The following LPP variants were observed in gnomAD, a reference collection of about 807,000 sequenced individuals.
LPP encodes LIM domain containing preferred translocation partner in lipoma.
A neutral mutation model predicts 60.4 loss-of-function variants in LPP; 38 were observed. That is an observed-to-expected ratio of 0.63 (90% CI 0.49 to 0.83). The LOEUF is 0.83. LPP is among the 40% of genes least tolerant of loss of function. LPP has a pLI of 0.00. For missense variants in LPP, 902 were observed against 783.6 expected (o/e 1.15, Z -1.80); for synonymous variants, 328 against 290.8 (o/e 1.13, Z -1.30).
At position 188,638,715 on chromosome 3, in the gene LPP, C is replaced by T. The variant is rs1182909026; in HGVS notation, c.1113+28871C>T. The stretch of plus-strand genomic sequence containing the variant: ...CAAAAATCACAAGCATTCTTATACA[C>T]CAACAACAGACAAACAGAGAGCCAA... On this transcript the variant is annotated intron_variant, in intron 7 of 11. Coordinates refer to ENST00000617246, the MANE Select transcript of LPP (RefSeq NM_001375462.1). Among the ~76,000 whole-genome samples, 9 of 144,738 alleles carry T rather than the reference C, an allele frequency of 6.2e-5. No homozygotes were observed. The East Asian group carries it at 1.2e-3, about 19-fold the overall frequency. 95.0% of individuals were successfully genotyped at this position (144,738 alleles called of 152,430 possible). A position where few individuals can be genotyped will look rare whatever the true frequency, so the allele number is the denominator to read the frequency against.
chr3:188,680,111 T>C (rs940905033), intron 7 of LPP, among the ~76,000 whole-genome samples: 3 of 152,170 alleles, frequency 2.0e-5, no homozygotes, highest in African/African-American at 7.2e-5. Flanking sequence ...AAATTGCTAT[T>C]TTATAAACCC....
At chr3:188,247,942 A>G (rs1048435503) in intron 2 of LPP, among the ~76,000 whole-genome samples, 6 of 152,300 alleles carry the variant, frequency 3.9e-5, no homozygotes, top group Admixed American at 1.3e-4. Flanking sequence ...TTGGCCACAT[A>G]TTAAAATCTT....
chr3:188,349,216 T>A (rs1419101159), intron 3 of LPP, among the ~76,000 whole-genome samples: 3 of 152,188 alleles, frequency 2.0e-5, no homozygotes, highest in Non-Finnish European at 4.4e-5. Flanking sequence ...AAGCCTGAGT[T>A]GAAAGCCAGG....
intron 2 of LPP, among the ~76,000 whole-genome samples, chr3:188,272,146 C>T (rs1012651226): frequency 6.6e-6 from 1 of 152,198 alleles, no homozygotes; most frequent in Non-Finnish European, 1.5e-5. Context: ...CGAGTTTGCT[C>T]TGTGACTTGG....
chr3:188,226,060 G>C (rs1238717926), intron 2 of LPP, among the ~76,000 whole-genome samples: 1 of 152,076 alleles, frequency 6.6e-6, no homozygotes, highest in African/African-American at 2.4e-5. Context: ...CCATTCTGGG[G>C]TGCAGTGGTG....
At chr3:188,319,419 T>C (rs762251638) in intron 2 of LPP, among the ~76,000 whole-genome samples, 18 of 152,258 alleles carry the variant, frequency 1.2e-4, no homozygotes, top group Non-Finnish European at 1.6e-4. Context: ...ATTTATTTCA[T>C]TTTATTTATT....
At chr3:188,511,343 C>T (rs1386939677) in intron 5 of LPP, among the ~76,000 whole-genome samples, 1 of 132,020 alleles carries the variant, frequency 7.6e-6, no homozygotes, top group South Asian at 2.8e-4. Context: ...CCTCCCTTGT[C>T]CCTCTTGCCT....
chr3:188,519,567 A>G (rs1818311077), intron 5 of LPP, among the ~76,000 whole-genome samples: 1 of 152,212 alleles, frequency 6.6e-6, no homozygotes, highest in South Asian at 2.1e-4. Context: ...GTGATATTAG[A>G]TAATACTGTT....
At chr3:188,757,455 TGGATTCCA>T (rs1730647117) in intron 8 of LPP, among the ~76,000 whole-genome samples, 1 of 152,240 alleles carries the variant, frequency 6.6e-6, no homozygotes, top group Non-Finnish European at 1.5e-5. Context: ...CTCAGGTTCT[TGGATTCCA>T]GGTATTACAC....
chr3:188,448,387 G>T (rs976215694), intron 4 of LPP, among the ~76,000 whole-genome samples: 4 of 34,160 alleles, frequency 1.2e-4, no homozygotes, highest in Admixed American at 9.5e-4. Flanking sequence ...TATCTATATT[G>T]AGATATCTAT....
intron 9 of LPP, among the ~76,000 whole-genome samples, chr3:188,841,308 ACTT>A (rs367575561): frequency 0.59 from 89,058 of 151,344 alleles, 26,550 homozygotes; most frequent in East Asian, 0.85. Context: ...TGTCCTGACA[ACTT>A]AAGCTCATCC....
At chr3:188,362,562 A>C (rs2150964152) in intron 3 of LPP, among the ~76,000 whole-genome samples, 1 of 152,214 alleles carries the variant, frequency 6.6e-6, no homozygotes, top group Non-Finnish European at 1.5e-5. Flanking sequence ...TTTTATTTGC[A>C]GTGTTAAAGA....
chr3:188,388,619 T>G (rs746160661), intron 3 of LPP, among the ~76,000 whole-genome samples: 21 of 152,206 alleles, frequency 1.4e-4, no homozygotes, highest in Non-Finnish European at 2.6e-4. Flanking sequence ...ATTATTCTCA[T>G]GGCATTGGGA....
rs548808746 is a variant in LPP at position 188,721,418 on chromosome 3, G to T, written c.1240+13025G>T. 1.4e-4 allele frequency among the ~76,000 whole-genome samples: 21 copies of T among 152,206 alleles called. No individual in the cohort carries two copies. In the East Asian group the frequency reaches 4.1e-3, roughly 29 times the overall value. On this transcript the variant is annotated intron_variant, in intron 8 of 11. Coordinates refer to ENST00000617246, the MANE Select transcript of LPP (RefSeq NM_001375462.1). ...AATGAAAAAAATATTACTAGGTATA[G>T]TGATGCACATCTGTGGTTCCAGCTA... is the stretch of plus-strand genomic sequence containing the variant.
At chr3:188,368,598 T>C (rs1771916340) in intron 3 of LPP, among the ~76,000 whole-genome samples, 1 of 151,918 alleles carries the variant, frequency 6.6e-6, no homozygotes, top group African/African-American at 2.4e-5. Flanking sequence ...TCAATGCCTC[T>C]TTTGTTTGTA....
intron 7 of LPP, among the ~76,000 whole-genome samples, chr3:188,637,185 A>C (rs1848998328): frequency 6.6e-6 from 1 of 151,880 alleles, no homozygotes; most frequent in Admixed American, 6.6e-5. Context: ...AGTGCAATCA[A>C]ACTAGAACTC....
chr3:188,603,023 AAATAATAAT>A (rs57026715), intron 6 of LPP, among the ~76,000 whole-genome samples: 5,787 of 146,576 alleles, frequency 0.039, 143 homozygotes, highest in Admixed American at 0.057. Flanking sequence ...CTTGTGTTTG[AAATAATAAT>A]AATAATAATA....
intron 8 of LPP, among the ~76,000 whole-genome samples, chr3:188,713,737 C>T (rs527278331): frequency 6.6e-6 from 1 of 152,116 alleles, no homozygotes; most frequent in South Asian, 2.1e-4. Context: ...ACTGCAACAA[C>T]TATAAGGACT....
At chr3:188,379,978 C>T (rs1776423413) in intron 3 of LPP, among the ~76,000 whole-genome samples, 1 of 152,116 alleles carries the variant, frequency 6.6e-6, no homozygotes, top group Non-Finnish European at 1.5e-5. Context: ...ATTATGAATG[C>T]TTGGACTTTT....
Sources: allele counts gnomAD v4.1 joint callset (sites outside exome capture counted in the v4.1 genomes callset), GRCh38; gene constraint gnomAD v4.1.1; transcripts MANE v1.5; gene names NCBI Gene and HGNC (gene_info 2026-07-23, HGNC 2026-07-21).